Variants in WWOX observed in about 807,000 individuals in gnomAD.
The protein encoded by WWOX is WW domain-containing oxidoreductase.
A neutral mutation model predicts 46.2 loss-of-function variants in WWOX; 69 were observed. The observed-to-expected ratio is 1.49, with a 90% confidence interval of 1.23 to 1.82. WWOX has a LOEUF of 1.82. Ranked by LOEUF, WWOX falls within the 40% of genes most tolerant of loss-of-function variation. WWOX has a pLI of 0.00. For missense variants in WWOX, 919 were observed against 542.6 expected (o/e 1.69, Z -6.89); for synonymous variants, 359 against 202.6 (o/e 1.77, Z -6.56).
chr16:79,029,120 C>T (rs1294578578), intron 8 of WWOX, among the ~76,000 whole-genome samples: 2 of 152,126 alleles, frequency 1.3e-5, no homozygotes, highest in East Asian at 3.9e-4. Flanking sequence ...CTCAGGATAG[C>T]AACAGGATAA....
chr16:78,450,058 CT>C (rs1211812965), intron 8 of WWOX, among the ~76,000 whole-genome samples: 1 of 151,886 alleles, frequency 6.6e-6, no homozygotes, highest in Non-Finnish European at 1.5e-5. Context: ...TACTTTGCTG[CT>C]TTTAGAAAAT....
At position 78,459,814 on chromosome 16, in the gene WWOX, C is replaced by G. The variant is rs563236467; in HGVS notation, c.1056+27062C>G. On this transcript the variant is annotated intron_variant, in intron 8 of 8. Transcript: ENST00000566780. Reference sequence around the variant, plus strand: ...GACTAGATTTTATTTTATTTTAATTCTTTTTGAGACAGGGTCTTAGTCTGT... The same window carrying G: ...GACTAGATTTTATTTTATTTTAATTGTTTTTGAGACAGGGTCTTAGTCTGT... Among the ~76,000 whole-genome samples, 33 of 151,792 alleles carry G rather than the reference C, an allele frequency of 2.2e-4. 1 individual carries two copies. In the South Asian group the frequency reaches 5.2e-3, roughly 24 times the overall value.
In WWOX at chr16:78,503,512, C is replaced by T. The variant is rs140461007; in HGVS notation, c.1056+70760C>T. On this transcript the variant is annotated intron_variant, in intron 8 of 8. Transcript: ENST00000566780. Reference sequence around the variant, plus strand: ...TAAACTAAATGCATCTTTAATTTTACTCACAGCAAAGCGATTCTTTATTTT... The same window carrying T: ...TAAACTAAATGCATCTTTAATTTTATTCACAGCAAAGCGATTCTTTATTTT... Among the ~76,000 whole-genome samples the T allele has an allele frequency of 2.3e-3, 353 of 151,970 alleles. 1 individual carries two copies. The highest frequency in any genetic ancestry group is 7.9e-3 in the African/African-American group (328 of 41,424).
intron 8 of WWOX, among the ~76,000 whole-genome samples, chr16:78,986,610 G>T (rs1320842070): frequency 6.6e-6 from 1 of 152,156 alleles, no homozygotes; most frequent in Non-Finnish European, 1.5e-5. Flanking sequence ...CAGGTCACTG[G>T]CGGACATCAC....
chr16:78,222,540 C>T (rs762932820), intron 5 of WWOX, among the ~76,000 whole-genome samples: 6 of 152,120 alleles, frequency 3.9e-5, no homozygotes, highest in Non-Finnish European at 8.8e-5. Context: ...GCCGAGACAT[C>T]GGGGTACCTG....
intron 8 of WWOX, among the ~76,000 whole-genome samples, chr16:78,757,325 TACCCCAGC>T (rs71140826): frequency 0.49 from 74,621 of 151,062 alleles, 20,821 homozygotes; most frequent in South Asian, 0.62. Flanking sequence ...TCTTACCACC[TACCCCAGC>T]ACCCCAGCAC....
intron 8 of WWOX, among the ~76,000 whole-genome samples, chr16:78,965,873 A>G (rs1195672478): frequency 1.3e-5 from 2 of 152,038 alleles, no homozygotes; most frequent in Admixed American, 1.3e-4. Context: ...ACACTATTAG[A>G]TTTTCCCAAG....
intron 5 of WWOX, among the ~76,000 whole-genome samples, chr16:78,194,115 T>A (rs546185508): frequency 3.3e-5 from 5 of 151,748 alleles, no homozygotes; most frequent in Non-Finnish European, 7.4e-5. Flanking sequence ...CCTGACCTCG[T>A]GATCCGTCCG....
intron 5 of WWOX, among the ~76,000 whole-genome samples, chr16:78,268,433 G>C (rs895792915): frequency 2.6e-5 from 4 of 152,206 alleles, no homozygotes; most frequent in African/African-American, 9.6e-5. Context: ...CAGGAAAAGA[G>C]CTAACCTTTG....
intron 8 of WWOX, among the ~76,000 whole-genome samples, chr16:79,135,290 T>C (rs1172952312): frequency 2.0e-5 from 3 of 152,220 alleles, no homozygotes; most frequent in Non-Finnish European, 4.4e-5. Flanking sequence ...TTTACATGTA[T>C]GTCTTGATTT....
At chr16:78,764,003 C>T (rs949439531) in intron 8 of WWOX, among the ~76,000 whole-genome samples, 6 of 152,162 alleles carry the variant, frequency 3.9e-5, no homozygotes, top group Non-Finnish European at 7.3e-5. Flanking sequence ...TGTTGGGCCT[C>T]TGCCCAGATC....
intron 5 of WWOX, among the ~76,000 whole-genome samples, chr16:78,246,417 TG>T (rs1339842147): frequency 6.6e-6 from 1 of 152,180 alleles, no homozygotes; most frequent in Non-Finnish European, 1.5e-5. Context: ...TGAAAGTACT[TG>T]TACTGCTAAT....
chr16:79,066,717 C>T (rs540217937), intron 8 of WWOX, among the ~76,000 whole-genome samples: 5 of 152,302 alleles, frequency 3.3e-5, no homozygotes, highest in East Asian at 1.9e-4. Flanking sequence ...GAGAGCCTGC[C>T]GCCTCAAGGG....
chr16:78,414,402 C>G (rs942468802), intron 6 of WWOX, among the ~76,000 whole-genome samples: 3 of 152,120 alleles, frequency 2.0e-5, no homozygotes, highest in East Asian at 1.9e-4. Context: ...AACCCTGCAT[C>G]TACTAAAAAT....
At chr16:78,284,080 C>A (rs992669481) in intron 5 of WWOX, among the ~76,000 whole-genome samples, 2 of 152,076 alleles carry the variant, frequency 1.3e-5, no homozygotes, top group African/African-American at 4.8e-5. Flanking sequence ...ACTTTTAAGC[C>A]AACAACCATT....
At chr16:78,426,788 C>T (rs2083089631) in intron 7 of WWOX, among the ~76,000 whole-genome samples, 1 of 152,128 alleles carries the variant, frequency 6.6e-6, no homozygotes, top group South Asian at 2.1e-4. Context: ...CTCAGCCTTC[C>T]AAGTAGCTGG....
chr16:78,362,900 G>A (rs938636089), intron 5 of WWOX, among the ~76,000 whole-genome samples: 1 of 152,188 alleles, frequency 6.6e-6, no homozygotes, highest in Non-Finnish European at 1.5e-5. Context: ...AAAGGAGGTG[G>A]TGGTGTCAGA....
At chr16:78,557,637 T>C (rs1007070063) in intron 8 of WWOX, among the ~76,000 whole-genome samples, 2 of 151,654 alleles carry the variant, frequency 1.3e-5, no homozygotes, top group African/African-American at 4.9e-5. Flanking sequence ...AACTGTCTTA[T>C]TTTTCATTTT....
At chr16:78,956,144 T>C (rs920441363) in intron 8 of WWOX, among the ~76,000 whole-genome samples, 2 of 151,976 alleles carry the variant, frequency 1.3e-5, no homozygotes, top group African/African-American at 4.8e-5. Context: ...GTTTAGGTTT[T>C]GGGGGTTTGT....
Sources: allele counts gnomAD v4.1 joint callset (sites outside exome capture counted in the v4.1 genomes callset), GRCh38; gene constraint gnomAD v4.1.1; transcripts MANE v1.5; gene names NCBI Gene and HGNC (gene_info 2026-07-23, HGNC 2026-07-21).